OGFRL1: variants seen among roughly 807,000 people sequenced by gnomAD.
OGFRL1 encodes the protein opioid growth factor receptor like 1.
In OGFRL1, 26 loss-of-function variants were observed where a neutral mutation model predicts 32.4. The ratio of observed to expected loss-of-function variants is 0.80; its 90% CI spans 0.59 to 1.11. OGFRL1 has a LOEUF of 1.11. OGFRL1 is among the 50% of genes most tolerant of loss of function. The pLI, the probability that OGFRL1 is intolerant of heterozygous loss-of-function variation, is 0.00. For synonymous variants in OGFRL1, 211 were observed against 201.2 expected, an observed-to-expected ratio of 1.05 and a Z score of -0.41; for missense variants, 521 against 546.4, an observed-to-expected ratio of 0.95 and a Z score of 0.46.
rs1766605089 is a variant in OGFRL1 at position 71,307,934 on chromosome 6, G to A, written c.*5885G>A. ...GTAAGTGCCAGAATTATTGGAAGCAGGTGACGAATGATTAAGAAAAGCTTT... is the reference window on the plus strand; with the variant it reads ...GTAAGTGCCAGAATTATTGGAAGCAAGTGACGAATGATTAAGAAAAGCTTT... On this transcript the variant is annotated 3_prime_UTR_variant, in exon 7 of 7. Coordinates refer to ENST00000370435, the MANE Select transcript of OGFRL1 (RefSeq NM_024576.5). The A allele has an allele frequency of 6.6e-6, 1 of 152,208 alleles. No homozygotes were observed. The highest frequency in any genetic ancestry group is 2.4e-5 in the African/African-American group (1 of 41,442). 9.4% of individuals were successfully genotyped at this position (152,208 alleles called of 1,614,324 possible).
chr6:71,289,191 C>T lies in OGFRL1; in HGVS notation c.234+21C>T, dbSNP rs527442325. On this transcript the variant is annotated intron_variant, in intron 1 of 6. Coordinates refer to ENST00000370435, the MANE Select transcript of OGFRL1 (RefSeq NM_024576.5). ...AGCAGGTACGCGGCCCAGCGGTGGCCTCGGGTCGGGCTGGGGCGCCCCGAC... is the reference window on the plus strand; with the variant it reads ...AGCAGGTACGCGGCCCAGCGGTGGCTTCGGGTCGGGCTGGGGCGCCCCGAC... 1.4e-4 allele frequency: 152 copies of T among 1,066,908 alleles called. 1 individual carries two copies. In the East Asian group the frequency reaches 4.8e-3, roughly 34 times the overall value. The allele number at this position is 1,066,908 out of a possible 1,614,324, so 66.1% of individuals were successfully genotyped here.
At position 71,288,819 on chromosome 6, in the gene OGFRL1, G is replaced by A. The variant is rs1765940322; in HGVS notation, c.-118G>A. The A allele has an allele frequency of 2.9e-6, 2 of 699,386 alleles. No individual in the cohort carries two copies. The highest frequency in any genetic ancestry group is 6.2e-5 in the South Asian group (1 of 16,066). 43.3% of individuals were successfully genotyped at this position (699,386 alleles called of 1,614,324 possible). On this transcript the variant is annotated 5_prime_UTR_variant, in exon 1 of 7. Coordinates refer to ENST00000370435, the MANE Select transcript of OGFRL1 (RefSeq NM_024576.5). ...GCTCGCCGCGCTGAGGCAGTGCGGG[G>A]CGGGCGCGCCTAGGCTGCCGCCCAG...
rs758111965 is a variant in OGFRL1, at chr6:71,301,810, C to A, written c.1117C>A (p.Pro373Thr). ...AEDKKVAPKE[P>T]VEETDRPSPE... ...AGACAAAAAAGTGGCACCAAAAGAG[C>A]CTGTGGAAGAGACAGACAGGCCCAG... Residue 373 changes from proline to threonine, a missense_variant, in exon 7 of 7, where the codon CCT (proline) becomes ACT (threonine). Pro to Thr is a conservative substitution (Grantham distance 38). Coordinates refer to ENST00000370435, the MANE Select transcript of OGFRL1 (RefSeq NM_024576.5). The A allele has an allele frequency of 6.2e-7, 1 of 1,613,050 alleles. No homozygotes were observed. Among genetic ancestry groups the A allele is most frequent in the Non-Finnish European group, 8.5e-7 (1 of 1,179,774 alleles).
rs1766613947 is a variant in OGFRL1, at chr6:71,308,215, T to C, written c.*6166T>C. The stretch of plus-strand genomic sequence containing the variant: ...GGCTGCAGATAAGAGAAAGACTCAG[T>C]GATAGGTGGTTTGTGAGTGAAGTAA... On this transcript the variant is annotated 3_prime_UTR_variant, in exon 7 of 7. Transcript: ENST00000370435. 1 of 152,152 alleles carries C rather than the reference T, an allele frequency of 6.6e-6. No homozygotes were observed. The highest frequency in any genetic ancestry group is 1.5e-5 in the Non-Finnish European group (1 of 68,012). 9.4% of individuals were successfully genotyped at this position (152,152 alleles called of 1,614,324 possible).
At chr6:71,289,766 A>C (rs1765990733) in intron 1 of OGFRL1, 1 of 985,172 alleles carries the variant, frequency 1.0e-6, no homozygotes, top group Non-Finnish European at 1.2e-6. Flanking sequence ...AGACTTGTTG[A>C]TCCAACTGTG....
At chr6:71,294,601 A>G (rs560525572) in intron 3 of OGFRL1, among the ~76,000 whole-genome samples, 2 of 152,324 alleles carry the variant, frequency 1.3e-5, no homozygotes, top group African/African-American at 4.8e-5. Flanking sequence ...TTAATATTTG[A>G]GAACATCGTT....
At chr6:71,289,713 A>T (rs1036593352) in intron 1 of OGFRL1, 31 of 985,250 alleles carry the variant, frequency 3.1e-5, no homozygotes, top group Middle Eastern at 5.2e-4. Flanking sequence ...AGGCCTTTCA[A>T]CCTAGGATTC....
rs1158690810 is a variant in OGFRL1 at position 71,289,548 on chromosome 6, T to TAAAAAAAAA, written c.234+402_234+410dup. 362 of 541,694 alleles carry TAAAAAAAAA rather than the reference T, an allele frequency of 6.7e-4. 5 individuals are homozygous for TAAAAAAAAA. In the African/African-American group the frequency reaches 8.2e-3, roughly 12 times the overall value. The allele number at this position is 541,694 out of a possible 1,614,324, so 33.6% of individuals were successfully genotyped here. On this transcript the variant is annotated intron_variant, in intron 1 of 6. Transcript: ENST00000370435. Reference sequence around the variant, plus strand: ...CAACCCCTCTAGTGTGTGTTATTGGTAAAAAAAAAAAAAAAAAAAAAAAAA... The same window carrying TAAAAAAAAA: ...CAACCCCTCTAGTGTGTGTTATTGGTAAAAAAAAAAAAAAAAAAAAAAAAAAAAAAAAAA...
At position 71,301,717 on chromosome 6, in the gene OGFRL1, A is replaced by G; in HGVS notation, c.1024A>G (p.Met342Val). The change falls in exon 7 of 7, where the codon ATG becomes GTG. Residue 342 changes from methionine (M) to valine (V), a missense_variant. Transcript: ENST00000370435. ...CTCCAGTCATAACAGTCAAACTTCT[A>G]TGCACAAAAAAGCCAAGGACTCCAA... ...LASSHNSQTS[M>V]HKKAKDSKNS... 6.2e-7 allele frequency: 1 copy of G among 1,613,986 alleles called. No individual in the cohort carries two copies. Among genetic ancestry groups the G allele is most frequent in the Non-Finnish European group, 8.5e-7 (1 of 1,180,016 alleles).
In OGFRL1 at chr6:71,303,396, G is replaced by T. The variant is rs1766458503; in HGVS notation, c.*1347G>T. ...TCTAATTGTATGACTTCAAGATTTT[G>T]CTTTGTTTAAATTAATAACTGTTTT... On this transcript the variant is annotated 3_prime_UTR_variant, in exon 7 of 7. Transcript: ENST00000370435. The T allele has an allele frequency of 6.6e-6, 1 of 152,056 alleles. No homozygotes were observed. Among genetic ancestry groups the T allele is most frequent in the Non-Finnish European group, 1.5e-5 (1 of 67,976 alleles). The allele number at this position is 152,056 out of a possible 1,614,324, so 9.4% of individuals were successfully genotyped here. A position where few individuals can be genotyped will look rare whatever the true frequency, so the allele number is the denominator to read the frequency against.
At chr6:71,291,856 T>A (rs1582549410) in intron 1 of OGFRL1, 2 of 152,322 alleles carry the variant, frequency 1.3e-5, no homozygotes, top group East Asian at 3.9e-4. Context: ...TTTCCATATA[T>A]CCTTCATTTT....
chr6:71,289,907 G>A (rs1765994826), intron 1 of OGFRL1: 1 of 789,564 alleles, frequency 1.3e-6, no homozygotes, highest in Admixed American at 6.2e-5. Flanking sequence ...CTGAAGAAGT[G>A]TGCATCCTGG....
At position 71,303,900 on chromosome 6, in the gene OGFRL1, G is replaced by A. The variant is rs888979666; in HGVS notation, c.*1851G>A. The A allele has an allele frequency of 6.6e-6, 1 of 152,094 alleles. No individual in the cohort carries two copies. 9.4% of individuals were successfully genotyped at this position (152,094 alleles called of 1,614,324 possible). ...AATATAGTTAAAGCAATGAATAGATGAAACATGTCTACTTTATTTCATTTA... is the reference window on the plus strand; with the variant it reads ...AATATAGTTAAAGCAATGAATAGATAAAACATGTCTACTTTATTTCATTTA... On this transcript the variant is annotated 3_prime_UTR_variant, in exon 7 of 7. Transcript: ENST00000370435.
intron 6 of OGFRL1, among the ~76,000 whole-genome samples, chr6:71,298,925 A>C (rs1235866088): frequency 6.6e-6 from 1 of 152,208 alleles, no homozygotes; most frequent in Non-Finnish European, 1.5e-5. Context: ...CAGGGAACTC[A>C]ATATATTTAT....
At chr6:71,296,585 A>T in intron 5 of OGFRL1, 24 bp downstream of exon 5, 2 of 1,609,280 alleles carry the variant, frequency 1.2e-6, no homozygotes, top group Non-Finnish European at 1.7e-6. Context: ...ATTTCATTTT[A>T]TACAGGGTGG....
intron 1 of OGFRL1, chr6:71,289,608 T>G: frequency 1.0e-6 from 1 of 964,510 alleles, no homozygotes. Flanking sequence ...GGGCTACAAG[T>G]GCAAGCAGCC....
intron 6 of OGFRL1, among the ~76,000 whole-genome samples, chr6:71,297,258 A>T (rs2149354509): frequency 6.6e-6 from 1 of 152,200 alleles, no homozygotes; most frequent in Admixed American, 6.5e-5. Flanking sequence ...ATGTATAAAA[A>T]TCATTTTATA....
Position 71,301,823 on chromosome 6 carries a change from C to T in OGFRL1, c.1130C>T (p.Thr377Ile). ...GCACCAAAAGAGCCTGTGGAAGAGA[C>T]AGACAGGCCCAGCCCAGAGCCCAGC... The part of the protein sequence containing the change: ...KVAPKEPVEE[T>I]DRPSPEPSNE... The change falls in exon 7 of 7, where the codon ACA becomes ATA. Residue 377 changes from threonine to isoleucine, a missense_variant. Coordinates refer to ENST00000370435, the MANE Select transcript of OGFRL1 (RefSeq NM_024576.5). 6.2e-7 allele frequency: 1 copy of T among 1,612,874 alleles called. No individual in the cohort carries two copies. Among genetic ancestry groups the T allele is most frequent in the Non-Finnish European group, 8.5e-7 (1 of 1,179,688 alleles).
chr6:71,291,086 AGAG>A (rs1372266795), intron 1 of OGFRL1, among the ~76,000 whole-genome samples: 9 of 152,166 alleles, frequency 5.9e-5, no homozygotes, highest in Non-Finnish European at 1.3e-4. Flanking sequence ...GAGGGTATGA[AGAG>A]GAGGAGGAGC....
Sources: gnomAD v4.1 joint callset for allele counts (sites outside exome capture counted in the v4.1 genomes callset) on GRCh38, gnomAD v4.1.1 for gene constraint, MANE v1.5 for transcripts, NCBI Gene and HGNC (gene_info 2026-07-23, HGNC 2026-07-21) for gene names.